Variants in CSRNP3 observed in about 807,000 individuals in gnomAD.
CSRNP3 encodes the protein cysteine and serine rich nuclear protein 3, also known as cysteine/serine-rich nuclear protein 3.
CSRNP3 carries 12 observed loss-of-function variants against 48.0 expected under a neutral mutation model. That is an observed-to-expected ratio of 0.25 (90% CI 0.16 to 0.41). The LOEUF (loss-of-function observed/expected upper bound fraction) is 0.41, where lower values mean the gene tolerates loss of function less well. CSRNP3 is among the 10% of genes least tolerant of loss of function. The probability of loss-of-function intolerance (pLI) is 1.00; values close to 1 mark genes in which losing one functional copy is unlikely to be tolerated. For missense variants in CSRNP3, 580 were observed against 724.4 expected, an observed-to-expected ratio of 0.80 and a Z score of 2.29; for synonymous variants, 263 against 269.7, an observed-to-expected ratio of 0.98 and a Z score of 0.24.
intron 4 of CSRNP3, among the ~76,000 whole-genome samples, chr2:165,628,733 A>G (rs887478632): frequency 2.0e-5 from 3 of 152,022 alleles, no homozygotes; most frequent in Non-Finnish European, 4.4e-5. Flanking sequence ...TCCAAAAAAA[A>G]TAAATCAGTA....
intron 3 of CSRNP3, among the ~76,000 whole-genome samples, chr2:165,548,970 TTTAAC>T (rs1447259503): frequency 6.6e-6 from 1 of 151,400 alleles, no homozygotes; most frequent in Non-Finnish European, 1.5e-5. Flanking sequence ...TTACCTTCCT[TTTAAC>T]TTCTTTTTTT....
chr2:165,580,088 C>G (rs1435899239), intron 3 of CSRNP3, among the ~76,000 whole-genome samples: 1 of 151,940 alleles, frequency 6.6e-6, no homozygotes. Flanking sequence ...GCCACCACGC[C>G]TGGCTAATTT....
At chr2:165,567,340 C>A (rs1451796667) in intron 3 of CSRNP3, among the ~76,000 whole-genome samples, 4 of 151,950 alleles carry the variant, frequency 2.6e-5, no homozygotes, top group East Asian at 1.9e-4. Context: ...TTTTCTAATG[C>A]CTTTGTAATG....
intron 5 of CSRNP3, among the ~76,000 whole-genome samples, chr2:165,674,897 G>C (rs1473286554): frequency 6.6e-6 from 1 of 151,442 alleles, no homozygotes; most frequent in Non-Finnish European, 1.5e-5. Context: ...ATTTTTGATA[G>C]AGATGGGGTT....
At chr2:165,673,596 A>G (rs1686399502) in intron 5 of CSRNP3, among the ~76,000 whole-genome samples, 1 of 152,160 alleles carries the variant, frequency 6.6e-6, no homozygotes, top group Admixed American at 6.5e-5. Context: ...TTTAATTCTT[A>G]GGCACGAATT....
chr2:165,501,348 G>A (rs908275742), intron 2 of CSRNP3, among the ~76,000 whole-genome samples: 3 of 152,092 alleles, frequency 2.0e-5, no homozygotes, highest in Non-Finnish European at 4.4e-5. Flanking sequence ...ATAAACAAAT[G>A]TTTCATTGAA....
intron 4 of CSRNP3, among the ~76,000 whole-genome samples, chr2:165,627,922 T>G (rs6731425): frequency 0.2 from 30,060 of 152,136 alleles, 3,529 homozygotes; most frequent in South Asian, 0.41. Context: ...CATTCTTCAG[T>G]AGACTCGTTT....
intron 2 of CSRNP3, among the ~76,000 whole-genome samples, chr2:165,498,510 T>A (rs556203972): frequency 7.2e-5 from 11 of 152,150 alleles, no homozygotes; most frequent in Non-Finnish European, 1.3e-4. Flanking sequence ...TCTGACTAAA[T>A]GGAGTAATTA....
At chr2:165,666,204 GAAGA>G (rs755351610) in intron 5 of CSRNP3, among the ~76,000 whole-genome samples, 4 of 115,638 alleles carry the variant, frequency 3.5e-5, no homozygotes, top group Non-Finnish European at 5.2e-5. Context: ...AGAGAGAGAG[GAAGA>G]AAGAAAGACA....
chr2:165,676,984 A>T (rs1051717246), intron 6 of CSRNP3, among the ~76,000 whole-genome samples: 1 of 152,176 alleles, frequency 6.6e-6, no homozygotes. Flanking sequence ...CATCCATGGG[A>T]TATAAAATGA....
At chr2:165,481,322 A>G (rs1011370776) in intron 1 of CSRNP3, among the ~76,000 whole-genome samples, 16 of 152,276 alleles carry the variant, frequency 1.1e-4, no homozygotes, top group Non-Finnish European at 2.1e-4. Context: ...TGAGGGAGGG[A>G]ATATACCCTG....
chr2:165,650,972 C>G (rs142242276), intron 4 of CSRNP3, among the ~76,000 whole-genome samples: 8 of 152,338 alleles, frequency 5.3e-5, no homozygotes, highest in Non-Finnish European at 1.2e-4. Flanking sequence ...AAATACATAA[C>G]TCTGTTTACT....
intron 1 of CSRNP3, among the ~76,000 whole-genome samples, chr2:165,475,961 A>G (rs1683957533): frequency 6.6e-6 from 1 of 152,218 alleles, no homozygotes; most frequent in South Asian, 2.1e-4. Flanking sequence ...AGATTATCAT[A>G]TACTAAATCA....
chr2:165,524,328 A>C (rs902558129), intron 3 of CSRNP3, among the ~76,000 whole-genome samples: 1 of 152,188 alleles, frequency 6.6e-6, no homozygotes, highest in African/African-American at 2.4e-5. Flanking sequence ...ATTAAAGTAA[A>C]ATTTAAATAA....
intron 4 of CSRNP3, among the ~76,000 whole-genome samples, chr2:165,597,778 G>A (rs1458820014): frequency 6.6e-6 from 1 of 151,966 alleles, no homozygotes; most frequent in Non-Finnish European, 1.5e-5. Context: ...CACATAGTAG[G>A]AAATATAATT....
chr2:165,488,705 A>G (rs1684157420), intron 1 of CSRNP3, among the ~76,000 whole-genome samples: 3 of 111,322 alleles, frequency 2.7e-5, no homozygotes, highest in African/African-American at 7.3e-5. Context: ...TACTGGGTAC[A>G]TAACGAAATG....
At chr2:165,482,148 G>A (rs1189310219) in intron 1 of CSRNP3, among the ~76,000 whole-genome samples, 2 of 152,060 alleles carry the variant, frequency 1.3e-5, no homozygotes, top group African/African-American at 2.4e-5. Flanking sequence ...AGAAAACTGA[G>A]ACTGAGAGAA....
chr2:165,646,641 C>A (rs1204687265), intron 4 of CSRNP3, among the ~76,000 whole-genome samples: 1 of 152,128 alleles, frequency 6.6e-6, no homozygotes, highest in Non-Finnish European at 1.5e-5. Flanking sequence ...CAAAATATTT[C>A]TCCGATGGTG....
Position 165,678,844 on chromosome 2 carries a change from G to T in CSRNP3, c.849G>T (p.Gln283His), listed in dbSNP as rs139067174. Residue 283 changes from glutamine to histidine, a missense_variant, in exon 7 of 7, where the codon CAG becomes CAT. Around this residue, in one of 4 missense-constraint regions of CSRNP3, gnomAD observed 369 missense variants for 380.8 expected, o/e 0.97. Coordinates refer to ENST00000651982, the MANE Select transcript of CSRNP3 (RefSeq NM_001172173.2). ...TTGAACTGGAGAAAAACCGAGAGCA[G>T]CAAATCCCCACGCTGAATGGCTGCC... ...MKLELEKNRE[Q>H]QIPTLNGCHS... The T allele has an allele frequency of 5.3e-5, 85 of 1,614,090 alleles. No homozygotes were observed. In the East Asian group the frequency reaches 1.9e-3, roughly 36 times the overall value.
Sources: gnomAD v4.1 joint callset for allele counts (sites outside exome capture counted in the v4.1 genomes callset) on GRCh38, gnomAD v4.1.1 for gene constraint, gnomAD v4.1.1 regional missense constraint, MANE v1.5 for transcripts, NCBI Gene and HGNC (gene_info 2026-07-23, HGNC 2026-07-21) for gene names.